SMARCA2: variants seen among roughly 807,000 people sequenced by gnomAD.
The protein encoded by SMARCA2 is SWI/SNF related BAF chromatin remodeling complex subunit ATPase 2.
Under a neutral mutation model 199.8 loss-of-function variants are expected in SMARCA2, and 61 were observed. That is an observed-to-expected ratio of 0.31 (90% confidence interval 0.25 to 0.38). The LOEUF (loss-of-function observed/expected upper bound fraction) is 0.38. SMARCA2 is among the 10% of genes least tolerant of loss of function. SMARCA2 has a pLI of 1.00. For synonymous variants in SMARCA2, 935 were observed against 732.0 expected (o/e 1.28, Z -4.48); for missense variants, 1,344 against 2,012.2 (o/e 0.67, Z 6.35).
At chr9:2,121,944 A>G (rs531642656) in intron 26 of SMARCA2, among the ~76,000 whole-genome samples, 3 of 152,230 alleles carry the variant, frequency 2.0e-5, no homozygotes, top group Non-Finnish European at 4.4e-5. Context: ...CATAAGGTTT[A>G]TAATCAGATC....
chr9:2,145,946 A>G (rs770245230), intron 27 of SMARCA2, among the ~76,000 whole-genome samples: 4 of 152,234 alleles, frequency 2.6e-5, no homozygotes, highest in African/African-American at 7.2e-5. Flanking sequence ...ATCCCAGGCG[A>G]GAAGTAAGAG....
In SMARCA2 at chr9:2,123,197, G is replaced by T. The variant is rs1475936054; in HGVS notation, c.3763-522G>T. 6.6e-6 allele frequency among the ~76,000 whole-genome samples: 1 copy of T among 152,136 alleles called. No individual in the cohort carries two copies. Among genetic ancestry groups the T allele is most frequent in the Non-Finnish European group, 1.5e-5 (1 of 68,030 alleles). The stretch of plus-strand genomic sequence containing the variant: ...GAAACCATTTATGTCTCTTCCACAT[G>T]TCCAACTGTGGGTAGCTATTCTGTA... On this transcript the variant is annotated intron_variant, in intron 26 of 33. Transcript: ENST00000349721. This position sits in a 1 kb window ranked among gnomAD's most constrained non-coding sequence, Gnocchi z 4.1.
intron 24 of SMARCA2, among the ~76,000 whole-genome samples, chr9:2,111,890 C>T (rs760350831): frequency 2.0e-5 from 3 of 152,056 alleles, no homozygotes; most frequent in Admixed American, 6.6e-5. Flanking sequence ...TGGGCCACTG[C>T]GTGTACTTAC....
intron 8 of SMARCA2, among the ~76,000 whole-genome samples, 163 bp downstream of exon 8, chr9:2,058,627 C>G (rs924804114): frequency 1.5e-4 from 23 of 152,148 alleles, no homozygotes; most frequent in African/African-American, 5.1e-4. Flanking sequence ...AACTTTTTCT[C>G]TTTCCTGGAG....
intron 27 of SMARCA2, among the ~76,000 whole-genome samples, chr9:2,150,482 G>A (rs1190453625): frequency 2.6e-5 from 4 of 151,554 alleles, no homozygotes; most frequent in South Asian, 2.1e-4. Context: ...AGATGGCAGC[G>A]CAGGCAGCAG....
At chr9:2,079,153 C>T (rs937520666) in intron 14 of SMARCA2, among the ~76,000 whole-genome samples, 12 of 152,088 alleles carry the variant, frequency 7.9e-5, no homozygotes, top group African/African-American at 2.7e-4. Flanking sequence ...AGTGACCCCT[C>T]TTGTTAATTC....
Position 2,167,953 on chromosome 9 carries a change from A to C in SMARCA2, c.4200-2466A>C, listed in dbSNP as rs150459892. Among the ~76,000 whole-genome samples the C allele has an allele frequency of 4.3e-3, 658 of 152,248 alleles. 7 individuals carry two copies. Among genetic ancestry groups the C allele is most frequent in the African/African-American group, 0.015 (624 of 41,548 alleles). ...TATGAGCCCCATTATCTGAGGATAC[A>C]ATGACATTACCTGGTACTTATAATC... On this transcript the variant is annotated intron_variant, in intron 28 of 33. Coordinates refer to ENST00000349721, the MANE Select transcript of SMARCA2 (RefSeq NM_003070.5).
In SMARCA2 at chr9:2,033,055, A is replaced by G; in HGVS notation, c.329A>G (p.Gln110Arg). The G allele has an allele frequency of 6.2e-7, 1 of 1,614,156 alleles. No individual in the cohort carries two copies. Among genetic ancestry groups the G allele is most frequent in the African/African-American group, 1.3e-5 (1 of 75,066 alleles). Reference sequence around the variant, plus strand: ...CCTCACCCAGGCATGGGCCCTCCCCAGAGTCCAATGGATCAACACAGCCAA... The same window carrying G: ...CCTCACCCAGGCATGGGCCCTCCCCGGAGTCCAATGGATCAACACAGCCAA... ...RPPHPGMGPPQSPMDQHSQGY... is the reference protein window; with the variant it reads ...RPPHPGMGPPRSPMDQHSQGY... Residue 110 changes from glutamine to arginine, a missense_variant, in exon 3 of 34, where the codon CAG becomes CGG. Gln to Arg is a conservative substitution (Grantham distance 43, BLOSUM62 1). Transcript: ENST00000349721.
intron 27 of SMARCA2, among the ~76,000 whole-genome samples, chr9:2,127,894 A>T (rs945994177): frequency 6.6e-5 from 10 of 152,192 alleles, no homozygotes; most frequent in Admixed American, 6.5e-5. Context: ...AGTTGGTGGA[A>T]TTTAGAATTT....
intron 27 of SMARCA2, among the ~76,000 whole-genome samples, chr9:2,125,003 C>T (rs1197975839): frequency 2.0e-5 from 3 of 152,100 alleles, no homozygotes; most frequent in African/African-American, 7.2e-5. Context: ...GAGTACAGTT[C>T]CCAAGCTTTG....
chr9:2,092,188 A>C (rs955156036), intron 19 of SMARCA2, among the ~76,000 whole-genome samples: 36 of 152,192 alleles, frequency 2.4e-4, no homozygotes, highest in African/African-American at 8.4e-4. Flanking sequence ...TCAAGAACCA[A>C]CTATACTTGC....
In SMARCA2 at chr9:2,016,643, G is replaced by A. The variant is rs1013710266; in HGVS notation, c.-37+1239G>A. ...CGGGCAGCGGCGGTGTGGTTCGCCCGGGAAGGGGAAGGGCTGCGGTGGGGA... is the reference window on the plus strand; with the variant it reads ...CGGGCAGCGGCGGTGTGGTTCGCCCAGGAAGGGGAAGGGCTGCGGTGGGGA... On this transcript the variant is annotated intron_variant, in intron 1 of 33. Transcript: ENST00000349721. This position sits in a 1 kb window ranked among gnomAD's most constrained non-coding sequence, Gnocchi z 5.6. Among the ~76,000 whole-genome samples, 2 of 151,274 alleles carry A rather than the reference G, an allele frequency of 1.3e-5. No homozygotes were observed. Among genetic ancestry groups the A allele is most frequent in the Admixed American group, 1.3e-4 (2 of 15,234 alleles).
At chr9:2,108,437 G>C (rs539150038) in intron 23 of SMARCA2, among the ~76,000 whole-genome samples, 159 of 152,288 alleles carry the variant, frequency 1.0e-3, no homozygotes, top group African/African-American at 3.7e-3. Flanking sequence ...GAGATTAACT[G>C]TTCGGTTTCA....
chr9:2,119,361 G>A lies in SMARCA2; in HGVS notation c.3685-97G>A, dbSNP rs762541821. On this transcript the variant is annotated intron_variant, in intron 25 of 33. Transcript: ENST00000349721. The surrounding 1 kb of genome is among the most constrained non-coding windows in gnomAD (Gnocchi z 4.6). ...CCCTTCCCTTTTCTTTCTGCCTTGA[G>A]AAATGGGACCCCTCTGGTCTGGAGG... is the stretch of plus-strand genomic sequence containing the variant. 1.3e-5 allele frequency: 10 copies of A among 761,874 alleles called. No individual in the cohort carries two copies. The Admixed American group carries it at 1.5e-4, about 12-fold the overall frequency. The allele number at this position is 761,874 out of a possible 1,614,324, so 47.2% of individuals were successfully genotyped here. A position where few individuals can be genotyped will look rare whatever the true frequency, so the allele number is the denominator to read the frequency against.
At chr9:2,130,152 C>G (rs1394232853) in intron 27 of SMARCA2, among the ~76,000 whole-genome samples, 1 of 152,218 alleles carries the variant, frequency 6.6e-6, no homozygotes, top group Non-Finnish European at 1.5e-5. Context: ...CCATGCCCAG[C>G]CTGACAGATT....
chr9:2,060,673 C>G lies in SMARCA2; in HGVS notation c.1522-143C>G, dbSNP rs534972046. The G allele has an allele frequency of 4.6e-6, 3 of 648,666 alleles. No individual in the cohort carries two copies. In the South Asian group the frequency reaches 5.6e-5, roughly 12 times the overall value. The allele number at this position is 648,666 out of a possible 1,614,324, so 40.2% of individuals were successfully genotyped here. A position where few individuals can be genotyped will look rare whatever the true frequency, so the allele number is the denominator to read the frequency against. On this transcript the variant is annotated intron_variant, in intron 8 of 33. Transcript: ENST00000349721. Reference sequence around the variant, plus strand: ...TGTTTGTCCCACTTCAGACTCTGTGCAATGGCTTGAACAGCCCAACTCATC... The same window carrying G: ...TGTTTGTCCCACTTCAGACTCTGTGGAATGGCTTGAACAGCCCAACTCATC...
rs960013316 is a variant in SMARCA2 at position 2,119,721 on chromosome 9, C to T, written c.3762+186C>T. On this transcript the variant is annotated intron_variant, in intron 26 of 33. Coordinates refer to ENST00000349721, the MANE Select transcript of SMARCA2 (RefSeq NM_003070.5). This position sits in a 1 kb window ranked among gnomAD's most constrained non-coding sequence, Gnocchi z 4.6. ...GACATATTTTGTTTGGCCCACGCAG[C>T]GTTTTTTAAAATTTCCCATTCATTG... 6.6e-5 allele frequency among the ~76,000 whole-genome samples: 10 copies of T among 152,146 alleles called. No homozygotes were observed. The highest frequency in any genetic ancestry group is 2.2e-4 in the African/African-American group (9 of 41,420).
chr9:2,135,880 C>T (rs935829586), intron 27 of SMARCA2, among the ~76,000 whole-genome samples: 7 of 151,852 alleles, frequency 4.6e-5, no homozygotes, highest in African/African-American at 1.2e-4. Flanking sequence ...TTTGCTCTGT[C>T]GCCCAGGTTG....
chr9:2,099,841 G>T (rs1209879882), intron 21 of SMARCA2, among the ~76,000 whole-genome samples: 1 of 152,156 alleles, frequency 6.6e-6, no homozygotes, highest in African/African-American at 2.4e-5. Flanking sequence ...TTTTTAACAT[G>T]ATGCTGTTAC....
Sources: allele counts gnomAD v4.1 joint callset (sites outside exome capture counted in the v4.1 genomes callset), GRCh38; gene constraint gnomAD v4.1.1; non-coding constraint Gnocchi (gnomAD v3.1); transcripts MANE v1.5; gene names NCBI Gene and HGNC (gene_info 2026-07-23, HGNC 2026-07-21).